The following ADAMTS17 variants were observed in gnomAD, a reference collection of about 807,000 sequenced individuals.
ADAMTS17 encodes A disintegrin and metalloproteinase with thrombospondin motifs 17.
In ADAMTS17, 113 loss-of-function variants were observed where a neutral mutation model predicts 141.5. The ratio of observed to expected loss-of-function variants is 0.80; its 90% confidence interval spans 0.69 to 0.93. The LOEUF is 0.93. Among genes scored for constraint, ADAMTS17 ranks in the 40% least tolerant of loss-of-function variants. The pLI is 0.00. For missense variants in ADAMTS17, 1,659 were observed against 1,517.9 expected, an observed-to-expected ratio of 1.09 and a Z score of -1.54; for synonymous variants, 768 against 630.6, an observed-to-expected ratio of 1.22 and a Z score of -3.27.
chr15:100,194,414 T>G (rs2041035737), intron 8 of ADAMTS17, among the ~76,000 whole-genome samples: 1 of 152,234 alleles, frequency 6.6e-6, no homozygotes, highest in African/African-American at 2.4e-5. Context: ...CACAGAGCTA[T>G]GCACTTTCTT....
At chr15:100,195,167 G>C (rs998004517) in intron 8 of ADAMTS17, among the ~76,000 whole-genome samples, 1 of 152,210 alleles carries the variant, frequency 6.6e-6, no homozygotes, top group Non-Finnish European at 1.5e-5. Context: ...TGTTGTTAGC[G>C]TGACCGCTGC....
At chr15:100,034,637 A>T (rs2030526190) in intron 18 of ADAMTS17, among the ~76,000 whole-genome samples, 1 of 152,228 alleles carries the variant, frequency 6.6e-6, no homozygotes, top group South Asian at 2.1e-4. Context: ...AGTCCCAGAC[A>T]GTCCACTTGC....
At chr15:100,262,584 G>T (rs1392716966) in intron 4 of ADAMTS17, 149 bp from the exon 5 acceptor site, 2 of 589,464 alleles carry the variant, frequency 3.4e-6, no homozygotes, top group African/African-American at 3.8e-5. Context: ...TTATAACACT[G>T]TATCAGTATT....
chr15:100,136,975 A>C, intron 10 of ADAMTS17, among the ~76,000 whole-genome samples: 1 of 152,232 alleles, frequency 6.6e-6, no homozygotes, highest in Non-Finnish European at 1.5e-5. Context: ...AGTGATGCTG[A>C]TACAGACACA....
intron 18 of ADAMTS17, among the ~76,000 whole-genome samples, chr15:100,012,012 G>C (rs2141408455): frequency 6.6e-6 from 1 of 152,318 alleles, no homozygotes; most frequent in South Asian, 2.1e-4. Flanking sequence ...CCCATCAGCA[G>C]TGTAGAAGTG....
intron 4 of ADAMTS17, 147 bp downstream of exon 4, chr15:100,281,082 A>G: frequency 8.4e-7 from 1 of 1,192,876 alleles, no homozygotes; most frequent in Non-Finnish European, 1.2e-6. Flanking sequence ...TGCCCTCCTC[A>G]ATGCCCAGAA....
chr15:100,043,585 G>C (rs1023297984), intron 18 of ADAMTS17, among the ~76,000 whole-genome samples: 5 of 152,218 alleles, frequency 3.3e-5, no homozygotes, highest in African/African-American at 1.2e-4. Context: ...CTTACGTGTG[G>C]GCTATGTCTG....
chr15:99,995,672 A>G (rs1165647316), intron 19 of ADAMTS17, among the ~76,000 whole-genome samples: 1 of 152,230 alleles, frequency 6.6e-6, no homozygotes, highest in East Asian at 1.9e-4. Flanking sequence ...CCACGTCAAT[A>G]AAAACTCTCC....
At chr15:100,317,725 C>T (rs75707850) in intron 3 of ADAMTS17, among the ~76,000 whole-genome samples, 15,787 of 152,212 alleles carry the variant, frequency 0.1, 884 homozygotes, top group African/African-American at 0.11. Context: ...GCTTGCTCTG[C>T]TGACTTACGA....
At chr15:100,065,948 T>G (rs1161034749) in intron 15 of ADAMTS17, among the ~76,000 whole-genome samples, 1 of 152,322 alleles carries the variant, frequency 6.6e-6, no homozygotes, top group Non-Finnish European at 1.5e-5. Flanking sequence ...ATTGTTCAAC[T>G]CCCACTTATG....
chr15:100,296,818 C>A (rs1311498940), intron 3 of ADAMTS17, among the ~76,000 whole-genome samples: 1 of 152,180 alleles, frequency 6.6e-6, no homozygotes, highest in Non-Finnish European at 1.5e-5. Flanking sequence ...AGATACCAAG[C>A]AGGGCACCTC....
At chr15:100,191,777 T>C (rs1241494707) in intron 8 of ADAMTS17, among the ~76,000 whole-genome samples, 3 of 152,192 alleles carry the variant, frequency 2.0e-5, no homozygotes, top group African/African-American at 7.2e-5. Flanking sequence ...CTTTTATTTG[T>C]GTGAGAGAAA....
chr15:100,182,962 CTTTATCCTT>C (rs2040577656), intron 8 of ADAMTS17, among the ~76,000 whole-genome samples: 1 of 152,100 alleles, frequency 6.6e-6, no homozygotes, highest in South Asian at 2.1e-4. Context: ...GTGCCACAAT[CTTTATCCTT>C]TGCTTCTGGG....
At chr15:100,091,727 C>T (rs2140996835) in intron 15 of ADAMTS17, among the ~76,000 whole-genome samples, 1 of 152,332 alleles carries the variant, frequency 6.6e-6, no homozygotes, top group South Asian at 2.1e-4. Flanking sequence ...CCATGATGGA[C>T]TAGAGGTAAA....
intron 15 of ADAMTS17, among the ~76,000 whole-genome samples, chr15:100,074,719 A>G (rs916615253): frequency 1.3e-5 from 2 of 152,174 alleles, no homozygotes; most frequent in South Asian, 2.1e-4. Context: ...TGGTATCAGT[A>G]TTATTCTTGC....
intron 18 of ADAMTS17, among the ~76,000 whole-genome samples, chr15:100,023,500 C>T (rs1416525028): frequency 6.6e-6 from 1 of 152,112 alleles, no homozygotes. Context: ...GCCACTTTGC[C>T]TGGCCAAGAA....
At chr15:100,177,777 T>C (rs1370490220) in intron 8 of ADAMTS17, among the ~76,000 whole-genome samples, 1 of 152,324 alleles carries the variant, frequency 6.6e-6, no homozygotes, top group Middle Eastern at 3.4e-3. Context: ...CTAGCTATAA[T>C]TGTGGATTCA....
chr15:100,091,749 G>A (rs183222790), intron 15 of ADAMTS17, among the ~76,000 whole-genome samples: 18 of 152,268 alleles, frequency 1.2e-4, no homozygotes, highest in Admixed American at 2.6e-4. Flanking sequence ...CTCTGGCTAC[G>A]TGTACTTGGA....
chr15:100,233,342 A>T (rs2042549337), intron 7 of ADAMTS17, among the ~76,000 whole-genome samples: 1 of 151,922 alleles, frequency 6.6e-6, no homozygotes, highest in Non-Finnish European at 1.5e-5. Context: ...AAAAAAAAAA[A>T]AATACAGAAG....
Sources: allele counts gnomAD v4.1 joint callset (sites outside exome capture counted in the v4.1 genomes callset), GRCh38; gene constraint gnomAD v4.1.1; transcripts MANE v1.5; gene names NCBI Gene and HGNC (gene_info 2026-07-23, HGNC 2026-07-21).